The following GALNTL6 variants were observed in gnomAD, a reference collection of about 807,000 sequenced individuals.
The protein encoded by GALNTL6 is polypeptide N-acetylgalactosaminyltransferase like 6.
Under a neutral mutation model 73.7 loss-of-function variants are expected in GALNTL6, and 46 were observed. The ratio of observed to expected loss-of-function variants is 0.62; its 90% CI spans 0.49 to 0.80. GALNTL6 has a LOEUF of 0.80. Among genes scored for constraint, GALNTL6 ranks in the 30% least tolerant of loss-of-function variants. GALNTL6 has a pLI of 0.00. For missense variants in GALNTL6, 604 were observed against 755.0 expected, an observed-to-expected ratio of 0.80 and a Z score of 2.34; for synonymous variants, 259 against 263.7, an observed-to-expected ratio of 0.98 and a Z score of 0.17.
At chr4:172,765,791 C>T (rs1051424600) in intron 5 of GALNTL6, among the ~76,000 whole-genome samples, 3 of 151,848 alleles carry the variant, frequency 2.0e-5, no homozygotes, top group Non-Finnish European at 4.4e-5. Flanking sequence ...TCTCTTCATA[C>T]TCATCCAAAA....
At chr4:172,450,687 GC>G (rs1305445653) in intron 5 of GALNTL6, among the ~76,000 whole-genome samples, 1 of 152,172 alleles carries the variant, frequency 6.6e-6, no homozygotes, top group Non-Finnish European at 1.5e-5. Flanking sequence ...CACAGAAGGT[GC>G]CTGCCATACT....
At chr4:172,713,279 G>C (rs1170649121) in intron 5 of GALNTL6, among the ~76,000 whole-genome samples, 1 of 146,800 alleles carries the variant, frequency 6.8e-6, no homozygotes, top group Non-Finnish European at 1.5e-5. Context: ...TAGAGAGAAA[G>C]AGAAAGATTT....
intron 2 of GALNTL6, among the ~76,000 whole-genome samples, chr4:172,109,950 T>A (rs1326005076): frequency 6.6e-6 from 1 of 152,222 alleles, no homozygotes; most frequent in African/African-American, 2.4e-5. Context: ...GTTACTTTTA[T>A]AAAAGACTTC....
chr4:172,527,817 C>CAT (rs1198652308), intron 5 of GALNTL6, among the ~76,000 whole-genome samples: 3 of 152,164 alleles, frequency 2.0e-5, no homozygotes, highest in African/African-American at 7.2e-5. Context: ...GAGGTTGAAA[C>CAT]ATTATATATT....
rs1733092564 is a variant in GALNTL6, at chr4:172,472,616, C to G, written c.553+123927C>G. Among the ~76,000 whole-genome samples the G allele has an allele frequency of 2.0e-5, 3 of 151,970 alleles. No individual in the cohort carries two copies. In the South Asian group the frequency reaches 6.2e-4, roughly 32 times the overall value. On this transcript the variant is annotated intron_variant, in intron 5 of 12. Coordinates refer to ENST00000506823, the MANE Select transcript of GALNTL6 (RefSeq NM_001034845.3). ...ACTGGAGTAGATATGGGCCCTTATT[C>G]CCATATAAGGCCCATTTAAAAGGTA...
chr4:172,559,166 G>A (rs980297199), intron 5 of GALNTL6, among the ~76,000 whole-genome samples: 6 of 130,188 alleles, frequency 4.6e-5, no homozygotes, highest in South Asian at 2.6e-4. Context: ...CCAGGTTCAT[G>A]CCGTTCTCCT....
At chr4:171,995,525 GAA>G (rs1374743358) in intron 2 of GALNTL6, among the ~76,000 whole-genome samples, 1 of 151,886 alleles carries the variant, frequency 6.6e-6, no homozygotes, top group Non-Finnish European at 1.5e-5. Context: ...GTATTCATCT[GAA>G]AAGATATTTA....
rs558934259 is a variant in GALNTL6, at chr4:172,060,293, T to C, written c.139-169363T>C. Among the ~76,000 whole-genome samples the C allele has an allele frequency of 2.6e-5, 4 of 152,312 alleles. No homozygotes were observed. The South Asian group carries it at 8.3e-4, about 32-fold the overall frequency. On this transcript the variant is annotated intron_variant, in intron 2 of 12. Coordinates refer to ENST00000506823, the MANE Select transcript of GALNTL6 (RefSeq NM_001034845.3). The stretch of plus-strand genomic sequence containing the variant: ...GTATGTACATACATATATACATGTT[T>C]ACACATACATATACATATCTGCATA...
chr4:171,874,648 G>A (rs1337176350), intron 2 of GALNTL6, among the ~76,000 whole-genome samples: 1 of 152,208 alleles, frequency 6.6e-6, no homozygotes, highest in East Asian at 1.9e-4. Flanking sequence ...ATAGGGAGTT[G>A]TAGGAACAGA....
chr4:172,842,740 T>G (rs1290422879), intron 7 of GALNTL6, among the ~76,000 whole-genome samples: 3 of 151,580 alleles, frequency 2.0e-5, no homozygotes, highest in Non-Finnish European at 4.4e-5. Context: ...GTAAGAGGGT[T>G]TCTCATATGT....
chr4:171,935,819 T>C (rs925173773), intron 2 of GALNTL6, among the ~76,000 whole-genome samples: 1 of 152,112 alleles, frequency 6.6e-6, no homozygotes, highest in East Asian at 1.9e-4. Flanking sequence ...GGTGTGTAGA[T>C]GAATTTTGTG....
At chr4:171,943,229 T>C (rs928735652) in intron 2 of GALNTL6, among the ~76,000 whole-genome samples, 1 of 152,180 alleles carries the variant, frequency 6.6e-6, no homozygotes, top group African/African-American at 2.4e-5. Flanking sequence ...CACAAGTACA[T>C]CAGTAACTCT....
chr4:172,661,503 G>T (rs1731371128), intron 5 of GALNTL6, among the ~76,000 whole-genome samples: 1 of 151,974 alleles, frequency 6.6e-6, no homozygotes, highest in South Asian at 2.1e-4. Context: ...TGAACTTCAG[G>T]AATGCAGAAG....
At chr4:172,764,675 C>A (rs1447326596) in intron 5 of GALNTL6, among the ~76,000 whole-genome samples, 1 of 151,950 alleles carries the variant, frequency 6.6e-6, no homozygotes, top group African/African-American at 2.4e-5. Context: ...TGTATGTGCA[C>A]CTGAAAGTAA....
At chr4:173,011,866 G>T (rs759711926) in intron 11 of GALNTL6, among the ~76,000 whole-genome samples, 5 of 152,194 alleles carry the variant, frequency 3.3e-5, no homozygotes, top group African/African-American at 7.2e-5. Context: ...AAAGGGAAAA[G>T]ATAGTGGGCA....
At chr4:172,607,025 T>A (rs559930586) in intron 5 of GALNTL6, among the ~76,000 whole-genome samples, 1 of 152,084 alleles carries the variant, frequency 6.6e-6, no homozygotes, top group East Asian at 1.9e-4. Flanking sequence ...TGTATGGGTC[T>A]GTAACTAAAG....
At chr4:171,949,102 C>T (rs556870518) in intron 2 of GALNTL6, among the ~76,000 whole-genome samples, 205 of 152,120 alleles carry the variant, frequency 1.3e-3, no homozygotes, top group South Asian at 4.6e-3. Context: ...TCCTGGCAGC[C>T]GGTTTCTCTG....
In GALNTL6 at chr4:172,069,504, A is replaced by ACACATATATGTTGTATGTATG. The variant is rs1731456854; in HGVS notation, c.139-160152_139-160151insCACATATATGTTGTATGTATG. ...TATATAACACATATGTTATATGTATAACACATATATGTTATATGTATAACA... is the reference window on the plus strand; with the variant it reads ...TATATAACACATATGTTATATGTATACACATATATGTTGTATGTATGACACATATATGTTATATGTATAACA... On this transcript the variant is annotated intron_variant, in intron 2 of 12. Transcript: ENST00000506823. 9.0e-5 allele frequency among the ~76,000 whole-genome samples: 3 copies of ACACATATATGTTGTATGTATG among 33,280 alleles called. 1 individual carries two copies. The highest frequency in any genetic ancestry group is 2.8e-4 in the Non-Finnish European group (3 of 10,640). The allele number at this position is 33,280 out of a possible 152,430, so 21.8% of individuals were successfully genotyped here.
intron 2 of GALNTL6, among the ~76,000 whole-genome samples, chr4:171,967,705 A>T (rs2111058463): frequency 6.6e-6 from 1 of 152,212 alleles, no homozygotes; most frequent in African/African-American, 2.4e-5. Flanking sequence ...TTCTCTTCTA[A>T]ATTTATACTC....
Sources: gnomAD v4.1 joint callset for allele counts (sites outside exome capture counted in the v4.1 genomes callset) on GRCh38, gnomAD v4.1.1 for gene constraint, MANE v1.5 for transcripts, NCBI Gene and HGNC (gene_info 2026-07-23, HGNC 2026-07-21) for gene names.